SVOP: variants seen among roughly 807,000 people sequenced by gnomAD.
The protein encoded by SVOP is synaptic vesicle 2-related protein.
SVOP carries 17 observed loss-of-function variants against 69.1 expected under a neutral mutation model. That is an observed-to-expected ratio of 0.25 (90% confidence interval 0.17 to 0.37). The LOEUF is 0.37. Ranked by LOEUF, SVOP falls within the 10% of genes least tolerant of loss-of-function variation. SVOP has a pLI of 1.00. For synonymous variants in SVOP, 238 were observed against 238.6 expected (o/e 1.00, Z 0.02); for missense variants, 435 against 597.5 (o/e 0.73, Z 2.84).
chr12:108,961,080 C>A (rs1158536578), intron 5 of SVOP, 33 bp from the exon 6 acceptor site: 3 of 1,525,582 alleles, frequency 2.0e-6, no homozygotes, highest in Non-Finnish European at 2.6e-6. Context: ...ATCACAAGGG[C>A]TTTTCAGCAC....
chr12:109,017,678 T>C (rs902990855), intron 1 of SVOP, among the ~76,000 whole-genome samples: 13 of 152,212 alleles, frequency 8.5e-5, no homozygotes, highest in Admixed American at 3.9e-4. Flanking sequence ...GCCTCCCAAG[T>C]AGCTGGGATG....
At position 108,960,411 on chromosome 12, in the gene SVOP, C is replaced by A. The variant is rs183395082; in HGVS notation, c.578+512G>T. Among the ~76,000 whole-genome samples the A allele has an allele frequency of 2.0e-3, 304 of 152,270 alleles. 2 individuals carry two copies. Among genetic ancestry groups the A allele is most frequent in the African/African-American group, 6.5e-3 (270 of 41,560 alleles). On this transcript the variant is annotated intron_variant, in intron 6 of 15. Coordinates refer to ENST00000610966, the MANE Select transcript of SVOP (RefSeq NM_018711.5). ...TGAATATTCTCAGTACCTTAAACTA[C>A]AACAGCAACAGCAAATTGCTGCCTG...
At chr12:108,976,482 T>C (rs937943880) in intron 4 of SVOP, among the ~76,000 whole-genome samples, 1 of 152,198 alleles carries the variant, frequency 6.6e-6, no homozygotes, top group Non-Finnish European at 1.5e-5. Context: ...AAAGAGCACA[T>C]GTACATTGTG....
intron 6 of SVOP, among the ~76,000 whole-genome samples, chr12:108,951,728 C>T (rs141885236): frequency 1.3e-5 from 2 of 152,260 alleles, no homozygotes; most frequent in African/African-American, 4.8e-5. Context: ...GCCTGAAACC[C>T]CTTTGAAATT....
chr12:108,935,369 GC>G (rs1298639493), intron 10 of SVOP, among the ~76,000 whole-genome samples: 2 of 152,316 alleles, frequency 1.3e-5, no homozygotes, highest in South Asian at 4.1e-4. Context: ...ATGTGTGCAA[GC>G]AAATGTAGTG....
rs1046692985 is a variant in SVOP at position 108,934,232 on chromosome 12, G to A, written c.1011C>T (p.Leu337=). 2 of 1,606,836 alleles carry A rather than the reference G, an allele frequency of 1.2e-6. No individual in the cohort carries two copies. The highest frequency in any genetic ancestry group is 1.7e-6 in the Non-Finnish European group (2 of 1,176,772). Residue 337 remains leucine, a synonymous_variant, in exon 11 of 16, where the codon CTC becomes CTT. Transcript: ENST00000610966. ...NAFSYYGLVL[L]TTELFQAGDV... Reference sequence around the variant, plus strand: ...CTCCTGCCTGGAAGAGTTCTGTGGTGAGTAGAACTAACCCGTAGTAAGAGA... The same window carrying A: ...CTCCTGCCTGGAAGAGTTCTGTGGTAAGTAGAACTAACCCGTAGTAAGAGA...
chr12:108,941,987 A>C (rs143326154), intron 7 of SVOP, among the ~76,000 whole-genome samples: 3,076 of 152,262 alleles, frequency 0.02, 44 homozygotes, highest in Middle Eastern at 0.085. Flanking sequence ...CCATTAAGCA[A>C]TAACTCTCCA....
intron 15 of SVOP, among the ~76,000 whole-genome samples, chr12:108,915,261 T>C (rs573791599): frequency 2.6e-5 from 4 of 152,104 alleles, no homozygotes; most frequent in South Asian, 2.1e-4. Context: ...ATGCTGAAGT[T>C]TGGGGGTACA....
chr12:108,985,933 A>G (rs1014049820), intron 1 of SVOP, among the ~76,000 whole-genome samples: 2 of 152,206 alleles, frequency 1.3e-5, no homozygotes, highest in African/African-American at 2.4e-5. Flanking sequence ...GTGAAGTTCT[A>G]GAAGAGAAAA....
chr12:108,946,054 T>G (rs1184098023), intron 6 of SVOP, among the ~76,000 whole-genome samples: 2 of 152,116 alleles, frequency 1.3e-5, no homozygotes, highest in Non-Finnish European at 2.9e-5. Flanking sequence ...ACTATCTCTA[T>G]CTAAGTCATC....
chr12:108,912,378 G>A lies in SVOP; in HGVS notation c.*157C>T, dbSNP rs2039689597. ...CCATCCCTGGGTGGACCTCAATGAA[G>A]ATGAGCAAACTGAGTCAAGACACAA... On this transcript the variant is annotated 3_prime_UTR_variant, in exon 16 of 16. Transcript: ENST00000610966. 6.7e-7 allele frequency: 1 copy of A among 1,495,662 alleles called. No homozygotes were observed. Among genetic ancestry groups the A allele is most frequent in the Non-Finnish European group, 8.9e-7 (1 of 1,128,604 alleles). The allele number at this position is 1,495,662 out of a possible 1,614,324, so 92.6% of individuals were successfully genotyped here.
At chr12:109,007,502 C>T (rs2040315390) in intron 1 of SVOP, among the ~76,000 whole-genome samples, 1 of 152,138 alleles carries the variant, frequency 6.6e-6, no homozygotes, top group Non-Finnish European at 1.5e-5. Flanking sequence ...AAGCAGATCT[C>T]AACTCAATAT....
chr12:108,932,531 A>G (rs1017434407), intron 11 of SVOP, among the ~76,000 whole-genome samples: 11 of 152,180 alleles, frequency 7.2e-5, no homozygotes, highest in African/African-American at 2.7e-4. Context: ...TAGGCGAGCA[A>G]ACTGAAATCA....
In SVOP at chr12:108,917,821, A is replaced by G. The variant is rs193196004; in HGVS notation, c.1350+222T>C. Among the ~76,000 whole-genome samples, 260 of 151,780 alleles carry G rather than the reference A, an allele frequency of 1.7e-3. 5 individuals are homozygous for G. The highest frequency in any genetic ancestry group is 6.1e-3 in the African/African-American group (253 of 41,386). On this transcript the variant is annotated intron_variant, in intron 14 of 15. Coordinates refer to ENST00000610966, the MANE Select transcript of SVOP (RefSeq NM_018711.5). ...CCACAGCCTGGCTCATTTTTATTTT[A>G]TTTTTTTAGAGAGAGGGTCTTGCTA...
rs576988936 is a variant in SVOP, at chr12:108,945,867, C to T, written c.579-701G>A. ...CACTGGTGACATTAATTTTCATCAC[C>T]TGATCAAGCTGGTGATGGAGATTAC... On this transcript the variant is annotated intron_variant, in intron 6 of 15. Coordinates refer to ENST00000610966, the MANE Select transcript of SVOP (RefSeq NM_018711.5). 4.6e-5 allele frequency among the ~76,000 whole-genome samples: 7 copies of T among 152,302 alleles called. No individual in the cohort carries two copies. In the South Asian group the frequency reaches 1.4e-3, roughly 32 times the overall value.
chr12:108,972,281 C>A, intron 5 of SVOP, 124 bp downstream of exon 5: 1 of 889,426 alleles, frequency 1.1e-6, no homozygotes, highest in Non-Finnish European at 1.8e-6. Context: ...TGTCTTCTCA[C>A]TGTACTTCAA....
intron 7 of SVOP, among the ~76,000 whole-genome samples, chr12:108,941,181 G>A (rs2039889410): frequency 6.6e-6 from 1 of 152,130 alleles, no homozygotes; most frequent in Non-Finnish European, 1.5e-5. Flanking sequence ...AGATCAATGT[G>A]ACCAATATTA....
At chr12:108,966,186 C>T (rs1271653563) in intron 5 of SVOP, among the ~76,000 whole-genome samples, 1 of 152,084 alleles carries the variant, frequency 6.6e-6, no homozygotes, top group Non-Finnish European at 1.5e-5. Context: ...ATTTAATCCC[C>T]CCATTAAAGT....
intron 11 of SVOP, among the ~76,000 whole-genome samples, chr12:108,933,617 C>G (rs993800997): frequency 6.6e-6 from 1 of 152,016 alleles, no homozygotes; most frequent in Non-Finnish European, 1.5e-5. Flanking sequence ...GAAGCGGAGG[C>G]TGCAGTGAGC....
Sources: allele counts gnomAD v4.1 joint callset (sites outside exome capture counted in the v4.1 genomes callset), GRCh38; gene constraint gnomAD v4.1.1; transcripts MANE v1.5; gene names NCBI Gene and HGNC (gene_info 2026-07-23, HGNC 2026-07-21).